The following RHOBTB1 variants were observed in gnomAD, a reference collection of about 807,000 sequenced individuals.
The protein encoded by RHOBTB1 is Rho related BTB domain containing 1.
A neutral mutation model predicts 71.6 loss-of-function variants in RHOBTB1; 40 were observed. That is an observed-to-expected ratio of 0.56 (90% CI 0.43 to 0.73). RHOBTB1 has a LOEUF of 0.73. RHOBTB1 is among the 30% of genes least tolerant of loss of function. The pLI, the probability that RHOBTB1 is intolerant of heterozygous loss-of-function variation, is 0.00. For missense variants in RHOBTB1, 797 were observed against 894.0 expected (o/e 0.89, Z 1.38); for synonymous variants, 319 against 334.9 (o/e 0.95, Z 0.52).
At chr10:60,877,606 C>G (rs2081106883) in intron 8 of RHOBTB1, among the ~76,000 whole-genome samples, 1 of 152,128 alleles carries the variant, frequency 6.6e-6, no homozygotes, top group Non-Finnish European at 1.5e-5. Context: ...ATTTCAAACT[C>G]TGGGGTGCAC....
At chr10:60,908,499 AC>A (rs2133316179) in intron 4 of RHOBTB1, among the ~76,000 whole-genome samples, 1 of 152,302 alleles carries the variant, frequency 6.6e-6, no homozygotes, top group South Asian at 2.1e-4. Context: ...TTTTGCAAAA[AC>A]AAAAAAGGTT....
Position 60,872,287 on chromosome 10 carries a change from G to C in RHOBTB1, c.1819C>G (p.His607Asp). 1 of 1,612,536 alleles carries C rather than the reference G, an allele frequency of 6.2e-7. No individual in the cohort carries two copies. Among genetic ancestry groups the C allele is most frequent in the Non-Finnish European group, 8.5e-7 (1 of 1,178,554 alleles). Residue 607 changes from histidine (H) to aspartate (D), a missense_variant, in exon 10 of 11, where the codon CAC (histidine) becomes GAC (aspartate). This residue lies in a region of RHOBTB1 where 658 missense variants were observed against 681.5 expected (regional missense o/e 0.97). Transcript: ENST00000337910. The stretch of plus-strand genomic sequence containing the variant: ...CAGGCGGCCAACTGGTGGGCATTGT[G>C]AAACTGCAGAAAAGTGAGCAAAAGG... ...VLSYLELAQF[H>D]NAHQLAAWCL... is the part of the protein sequence containing the mutation.
intron 4 of RHOBTB1, among the ~76,000 whole-genome samples, chr10:60,896,062 T>G (rs2132892719): frequency 6.6e-6 from 1 of 152,374 alleles, no homozygotes; most frequent in South Asian, 2.1e-4. Context: ...TTGAGCCATT[T>G]TTTTTTAATC....
At position 60,889,047 on chromosome 10, in the gene RHOBTB1, C is replaced by T. The variant is rs763302732; in HGVS notation, c.621G>A (p.Ala207=). ...ATTGCAGGTGCCTGCGGGAAATCAG[C>T]GCTGCTCGGATTGCATTGTCAAACA... is the stretch of plus-strand genomic sequence containing the variant. ...KDVFDNAIRA[A]LISRRHLQFW... Residue 207 remains alanine (A), a synonymous_variant, in exon 6 of 11, where the codon GCG becomes GCA. Transcript: ENST00000337910. The T allele has an allele frequency of 1.6e-5, 26 of 1,614,030 alleles. No homozygotes were observed. Among genetic ancestry groups the T allele is most frequent in the South Asian group, 8.8e-5 (8 of 91,072 alleles).
intron 2 of RHOBTB1, 138 bp downstream of exon 2, chr10:60,941,666 A>C (rs2084909860): frequency 6.6e-6 from 1 of 152,260 alleles, no homozygotes; most frequent in South Asian, 2.1e-4. Flanking sequence ...TATGACATTC[A>C]TAACTGAGTC....
chr10:60,911,237 G>A, intron 3 of RHOBTB1, 114 bp downstream of exon 3: 1 of 1,077,960 alleles, frequency 9.3e-7, no homozygotes, highest in Non-Finnish European at 1.3e-6. Flanking sequence ...GCACTAAAAA[G>A]GTTAGTTTTG....
At chr10:60,935,307 T>C (rs1378165727) in intron 2 of RHOBTB1, among the ~76,000 whole-genome samples, 1 of 152,102 alleles carries the variant, frequency 6.6e-6, no homozygotes, top group African/African-American at 2.4e-5. Flanking sequence ...GAAGTCAAGA[T>C]AAGGGTTACA....
chr10:60,864,979 C>A (rs2080630551), downstream of RHOBTB1, among the ~76,000 whole-genome samples: 1 of 152,192 alleles, frequency 6.6e-6, no homozygotes, highest in African/African-American at 2.4e-5. Flanking sequence ...GCTTTAGCCA[C>A]TGTGCCCGGC....
At chr10:60,912,348 C>A (rs894768582) in intron 2 of RHOBTB1, among the ~76,000 whole-genome samples, 4 of 152,272 alleles carry the variant, frequency 2.6e-5, no homozygotes, top group African/African-American at 9.6e-5. Flanking sequence ...ATTCGCCTGG[C>A]TCAGCCTCCT....
chr10:60,897,947 T>C (rs552080616), intron 4 of RHOBTB1, among the ~76,000 whole-genome samples: 2 of 152,098 alleles, frequency 1.3e-5, no homozygotes, highest in South Asian at 4.2e-4. Context: ...CTTGTGATCT[T>C]CCCACCTCGG....
At chr10:60,880,165 A>G (rs1446034454) in intron 7 of RHOBTB1, among the ~76,000 whole-genome samples, 1 of 138,448 alleles carries the variant, frequency 7.2e-6, no homozygotes, top group African/African-American at 2.7e-5. Flanking sequence ...CCTCACAGAT[A>G]CTGAGGGATG....
At chr10:60,936,404 T>C (rs1490501286) in intron 2 of RHOBTB1, among the ~76,000 whole-genome samples, 1 of 152,248 alleles carries the variant, frequency 6.6e-6, no homozygotes, top group African/African-American at 2.4e-5. Context: ...TTTATGTGAT[T>C]AAAATTTATG....
At chr10:60,958,557 A>C (rs552852406) in intron 2 of RHOBTB1, among the ~76,000 whole-genome samples, 2 of 152,140 alleles carry the variant, frequency 1.3e-5, no homozygotes, top group African/African-American at 4.8e-5. Flanking sequence ...CATCAACCAC[A>C]TCTTCAACAC....
upstream of RHOBTB1, among the ~76,000 whole-genome samples, chr10:60,945,953 G>A (rs373140849): frequency 2.8e-4 from 43 of 152,244 alleles, no homozygotes; most frequent in Admixed American, 1.6e-3. Context: ...GCCGAGGCGC[G>A]CGGATCACGA....
chr10:60,898,637 C>T (rs1441559788), intron 4 of RHOBTB1, among the ~76,000 whole-genome samples: 1 of 152,084 alleles, frequency 6.6e-6, no homozygotes, highest in Non-Finnish European at 1.5e-5. Context: ...CATGCAGTGC[C>T]CTGGATGTGA....
chr10:60,986,404 G>GAT (rs34154360), intron 1 of RHOBTB1, among the ~76,000 whole-genome samples: 3,023 of 67,552 alleles, frequency 0.045, 48 homozygotes, highest in Non-Finnish European at 0.068. Flanking sequence ...ATAAATAAAA[G>GAT]ATATATATAT....
chr10:60,904,067 A>G (rs887098466), intron 4 of RHOBTB1, among the ~76,000 whole-genome samples: 1 of 151,786 alleles, frequency 6.6e-6, no homozygotes, highest in Non-Finnish European at 1.5e-5. Flanking sequence ...CACTCAGGTG[A>G]TTCTCCCACC....
At chr10:60,934,022 T>C (rs1298193545) in intron 2 of RHOBTB1, among the ~76,000 whole-genome samples, 1 of 152,228 alleles carries the variant, frequency 6.6e-6, no homozygotes, top group Non-Finnish European at 1.5e-5. Context: ...TTAATTTTTT[T>C]CATTTTTCTC....
intron 2 of RHOBTB1, among the ~76,000 whole-genome samples, chr10:60,979,626 G>C (rs992495430): frequency 5.9e-5 from 9 of 152,154 alleles, no homozygotes; most frequent in African/African-American, 1.9e-4. Flanking sequence ...ATACACTAGT[G>C]AAAGTCAACA....
Sources: gnomAD v4.1 joint callset for allele counts (sites outside exome capture counted in the v4.1 genomes callset) on GRCh38, gnomAD v4.1.1 for gene constraint, gnomAD v4.1.1 regional missense constraint, MANE v1.5 for transcripts, NCBI Gene and HGNC (gene_info 2026-07-23, HGNC 2026-07-21) for gene names.